Variants in RALGAPA2 observed in about 807,000 individuals in gnomAD.
The protein encoded by RALGAPA2 is Ral GTPase activating protein catalytic subunit alpha 2, also known as ral GTPase-activating protein subunit alpha-2.
A neutral mutation model predicts 230.4 loss-of-function variants in RALGAPA2; 139 were observed. The ratio of observed to expected loss-of-function variants is 0.60; its 90% confidence interval spans 0.53 to 0.69. RALGAPA2 has a LOEUF of 0.69. Ranked by LOEUF, RALGAPA2 falls within the 30% of genes least tolerant of loss-of-function variation. RALGAPA2 has a pLI of 0.00. For missense variants in RALGAPA2, 2,163 were observed against 2,276.0 expected (o/e 0.95, Z 1.01); for synonymous variants, 847 against 837.8 (o/e 1.01, Z -0.19).
Position 20,595,712 on chromosome 20 carries a change from G to C in RALGAPA2, c.2204-4398C>G, listed in dbSNP as rs1396916262. Among the ~76,000 whole-genome samples, 6 of 152,146 alleles carry C rather than the reference G, an allele frequency of 3.9e-5. No individual in the cohort carries two copies. The South Asian group carries it at 6.2e-4, about 16-fold the overall frequency. On this transcript the variant is annotated intron_variant, in intron 16 of 39. Coordinates refer to ENST00000202677, the MANE Select transcript of RALGAPA2 (RefSeq NM_020343.4). ...CTCACACCTGTAATTCCAGCACTTTGGGAGGCCGAGGTGGGTAGATCACAA... is the reference window on the plus strand; with the variant it reads ...CTCACACCTGTAATTCCAGCACTTTCGGAGGCCGAGGTGGGTAGATCACAA...
chr20:20,639,912 G>C lies in RALGAPA2; in HGVS notation c.551-12C>G. ...TGGATATATCTTTACTGAAAGGACA[G>C]AAAATGATGACAGCTCATTCACCAA... On this transcript the variant is annotated splice_polypyrimidine_tract_variant and intron_variant, in intron 6 of 39. Coordinates refer to ENST00000202677, the MANE Select transcript of RALGAPA2 (RefSeq NM_020343.4). 1 of 1,566,780 alleles carries C rather than the reference G, an allele frequency of 6.4e-7. No individual in the cohort carries two copies. Among genetic ancestry groups the C allele is most frequent in the Non-Finnish European group, 8.8e-7 (1 of 1,138,652 alleles).
chr20:20,450,854 G>A lies in RALGAPA2; in HGVS notation c.5495+21975C>T, dbSNP rs944150132. On this transcript the variant is annotated intron_variant, in intron 37 of 39. Coordinates refer to ENST00000202677, the MANE Select transcript of RALGAPA2 (RefSeq NM_020343.4). Reference sequence around the variant, plus strand: ...GAAAGCATTTTATCAGTTACATGCAGACACTAACTACTGACCAAGAGTTCA... The same window carrying A: ...GAAAGCATTTTATCAGTTACATGCAAACACTAACTACTGACCAAGAGTTCA... Among the ~76,000 whole-genome samples, 3 of 152,212 alleles carry A rather than the reference G, an allele frequency of 2.0e-5. No homozygotes were observed. The South Asian group carries it at 6.2e-4, about 31-fold the overall frequency.
chr20:20,536,454 A>G (rs1295913582), intron 25 of RALGAPA2, among the ~76,000 whole-genome samples: 1 of 152,264 alleles, frequency 6.6e-6, no homozygotes, highest in African/African-American at 2.4e-5. Context: ...AGCTACAGCT[A>G]TAAGGTCTAA....
chr20:20,459,481 G>A (rs966211720), intron 37 of RALGAPA2, among the ~76,000 whole-genome samples: 1 of 150,652 alleles, frequency 6.6e-6, no homozygotes, highest in Non-Finnish European at 1.5e-5. Flanking sequence ...AAGCCTGCAG[G>A]CTTCTGAGGT....
chr20:20,471,079 A>G (rs1174333203), intron 37 of RALGAPA2: 3 of 152,210 alleles, frequency 2.0e-5, no homozygotes, highest in African/African-American at 7.2e-5. Flanking sequence ...GTTGTTTGAG[A>G]TGTCAAGTTA....
intron 18 of RALGAPA2, among the ~76,000 whole-genome samples, chr20:20,586,600 A>C (rs550160927): frequency 6.6e-6 from 1 of 152,322 alleles, no homozygotes; most frequent in African/African-American, 2.4e-5. Context: ...AAGGAATAAA[A>C]GTTGGAATCA....
chr20:20,600,840 G>A (rs534108784), intron 16 of RALGAPA2, among the ~76,000 whole-genome samples: 9 of 152,254 alleles, frequency 5.9e-5, no homozygotes, highest in Admixed American at 1.3e-4. Flanking sequence ...AGTGGCTCAC[G>A]CCTGTAATCC....
chr20:20,664,112 TATGA>T (rs2146695276), intron 3 of RALGAPA2, among the ~76,000 whole-genome samples: 1 of 152,312 alleles, frequency 6.6e-6, no homozygotes, highest in Non-Finnish European at 1.5e-5. Context: ...ATTTAAAACT[TATGA>T]ATGGTTTATT....
Position 20,637,352 on chromosome 20 carries a change from A to G in RALGAPA2, c.805+11T>C, listed in dbSNP as rs1383710930. ...TGGATATCCTCTATACACGGCTCCA[A>G]CAGTACTTACCAAGTACAGGTTTGT... On this transcript the variant is annotated intron_variant, in intron 8 of 39. Coordinates refer to ENST00000202677, the MANE Select transcript of RALGAPA2 (RefSeq NM_020343.4). 1 of 1,590,830 alleles carries G rather than the reference A, an allele frequency of 6.3e-7. No homozygotes were observed. Among genetic ancestry groups the G allele is most frequent in the Non-Finnish European group, 8.6e-7 (1 of 1,167,236 alleles).
chr20:20,429,349 G>T (rs111585323), intron 37 of RALGAPA2, among the ~76,000 whole-genome samples: 103 of 152,262 alleles, frequency 6.8e-4, no homozygotes, highest in African/African-American at 2.4e-3. Context: ...GTTGTTTGGT[G>T]CTAACAGGAA....
At chr20:20,452,488 G>A (rs2061009174) in intron 37 of RALGAPA2, among the ~76,000 whole-genome samples, 3 of 152,238 alleles carry the variant, frequency 2.0e-5, no homozygotes, top group Non-Finnish European at 2.9e-5. Context: ...AGGCAGCCAC[G>A]TGGGTATCCC....
intron 3 of RALGAPA2, 67 bp downstream of exon 3, chr20:20,676,163 ATAAAAT>A: frequency 3.7e-6 from 4 of 1,092,166 alleles, no homozygotes; most frequent in Non-Finnish European, 5.1e-6. Flanking sequence ...TTGTCTTCAA[ATAAAAT>A]TAAAGATCAA....
At chr20:20,590,945 T>TA (rs2065270376) in intron 17 of RALGAPA2, among the ~76,000 whole-genome samples, 1 of 151,998 alleles carries the variant, frequency 6.6e-6, no homozygotes, top group Non-Finnish European at 1.5e-5. Flanking sequence ...TGCCAACCTT[T>TA]AAAAAAGTGG....
chr20:20,449,748 T>G (rs2060946904), intron 37 of RALGAPA2, among the ~76,000 whole-genome samples: 1 of 152,248 alleles, frequency 6.6e-6, no homozygotes, highest in African/African-American at 2.4e-5. Context: ...GAAATCATTT[T>G]GATATTAAAA....
At chr20:20,550,676 T>A (rs1224772406) in intron 23 of RALGAPA2, among the ~76,000 whole-genome samples, 2 of 152,196 alleles carry the variant, frequency 1.3e-5, no homozygotes, top group East Asian at 1.9e-4. Context: ...CAAAGCCTTG[T>A]GTGACTGTGG....
intron 36 of RALGAPA2, among the ~76,000 whole-genome samples, chr20:20,482,765 A>G (rs1175592431): frequency 2.0e-5 from 3 of 152,224 alleles, no homozygotes; most frequent in Non-Finnish European, 2.9e-5. Flanking sequence ...GCAGGCATAG[A>G]AGCCTAGACT....
In RALGAPA2 at chr20:20,712,553, C is replaced by T. The variant is rs2069932092; in HGVS notation, c.-73G>A. 1 of 1,357,926 alleles carries T rather than the reference C, an allele frequency of 7.4e-7. No homozygotes were observed. The highest frequency in any genetic ancestry group is 9.5e-7 in the Non-Finnish European group (1 of 1,056,126). The allele number at this position is 1,357,926 out of a possible 1,614,324, so 84.1% of individuals were successfully genotyped here. A position where few individuals can be genotyped will look rare whatever the true frequency, so the allele number is the denominator to read the frequency against. On this transcript the variant is annotated 5_prime_UTR_variant, in exon 1 of 40. Coordinates refer to ENST00000202677, the MANE Select transcript of RALGAPA2 (RefSeq NM_020343.4). This position sits in a 1 kb window ranked among gnomAD's most constrained non-coding sequence, Gnocchi z 5.5. ...CGCCACGCGAATCAAAGCATAGGGT[C>T]GAGGCCGGCGCGTGTCGCGCGGGCC...
At chr20:20,662,667 T>C (rs910521249) in intron 3 of RALGAPA2, among the ~76,000 whole-genome samples, 8 of 152,298 alleles carry the variant, frequency 5.3e-5, no homozygotes, top group African/African-American at 1.4e-4. Context: ...CATTAAAAAA[T>C]AGTCTTATTA....
chr20:20,683,584 AT>A (rs1477602056), intron 1 of RALGAPA2, among the ~76,000 whole-genome samples: 3 of 152,194 alleles, frequency 2.0e-5, no homozygotes, highest in African/African-American at 7.2e-5. Context: ...CCAGATCTTC[AT>A]GCAGCTGGTT....
Sources: allele counts gnomAD v4.1 joint callset (sites outside exome capture counted in the v4.1 genomes callset), GRCh38; gene constraint gnomAD v4.1.1; non-coding constraint Gnocchi (gnomAD v3.1); transcripts MANE v1.5; gene names NCBI Gene and HGNC (gene_info 2026-07-23, HGNC 2026-07-21).